FXYD6: variants seen among roughly 807,000 people sequenced by gnomAD.
The protein encoded by FXYD6 is FXYD domain containing ion transport regulator 6.
In FXYD6, 7 loss-of-function variants were observed where a neutral mutation model predicts 16.7. The ratio of observed to expected loss-of-function variants is 0.42; its 90% confidence interval spans 0.24 to 0.79. The LOEUF (loss-of-function observed/expected upper bound fraction) is 0.79, where lower values mean the gene tolerates loss of function less well. FXYD6 is among the 30% of genes least tolerant of loss of function. FXYD6 has a pLI of 0.28. For missense variants in FXYD6, 111 were observed against 116.2 expected (o/e 0.95, Z 0.21); for synonymous variants, 49 against 43.0 (o/e 1.14, Z -0.54).
chr11:117,849,888 T>C (rs1473756231), intron 1 of FXYD6, among the ~76,000 whole-genome samples: 1 of 152,072 alleles, frequency 6.6e-6, no homozygotes, highest in African/African-American at 2.4e-5. Flanking sequence ...CTAGCTCCTG[T>C]CCAGTTCAAA....
At chr11:117,863,548 G>A (rs2056952303) in intron 1 of FXYD6, among the ~76,000 whole-genome samples, 1 of 150,534 alleles carries the variant, frequency 6.6e-6, no homozygotes, top group African/African-American at 2.4e-5. Flanking sequence ...TCTAACATCA[G>A]GAACAAGGCA....
At chr11:117,876,761 G>T (rs913554699), upstream of FXYD6, 2 of 151,786 alleles carry the variant, frequency 1.3e-5, no homozygotes, top group Non-Finnish European at 2.9e-5. Context: ...GGGGCGGGGG[G>T]GGGGCTCGCT....
upstream of FXYD6, chr11:117,877,203 G>T (rs2057289908): frequency 6.6e-6 from 1 of 152,268 alleles, no homozygotes; most frequent in Non-Finnish European, 1.5e-5. Flanking sequence ...TGCACCAAAA[G>T]CATGAATGGC....
intron 1 of FXYD6, among the ~76,000 whole-genome samples, chr11:117,858,962 G>C (rs555317801): frequency 2.0e-5 from 3 of 151,930 alleles, no homozygotes; most frequent in Non-Finnish European, 4.4e-5. Flanking sequence ...TTTTAGTAGA[G>C]ACGGGGTTTC....
chr11:117,864,353 T>C (rs772495757), intron 1 of FXYD6, among the ~76,000 whole-genome samples: 4 of 152,162 alleles, frequency 2.6e-5, no homozygotes, highest in Non-Finnish European at 4.4e-5. Flanking sequence ...AGACAGTCTT[T>C]TCAACAAGTA....
chr11:117,850,707 G>A (rs552975549), intron 1 of FXYD6, among the ~76,000 whole-genome samples: 1 of 151,448 alleles, frequency 6.6e-6, no homozygotes, highest in African/African-American at 2.4e-5. Context: ...TACGTAGGCT[G>A]GTCTCGAACT....
intron 1 of FXYD6, among the ~76,000 whole-genome samples, chr11:117,855,326 C>T (rs1239020000): frequency 6.6e-6 from 1 of 152,224 alleles, no homozygotes; most frequent in East Asian, 1.9e-4. Flanking sequence ...TCAGCATGGG[C>T]CCCTCGGGGT....
intron 1 of FXYD6, among the ~76,000 whole-genome samples, chr11:117,852,505 A>G (rs568122239): frequency 2.6e-5 from 4 of 152,188 alleles, no homozygotes; most frequent in Non-Finnish European, 5.9e-5. Flanking sequence ...TCTGCTGCTT[A>G]TATCATCATT....
intron 1 of FXYD6, among the ~76,000 whole-genome samples, chr11:117,857,762 A>G (rs1051155757): frequency 2.0e-5 from 3 of 152,142 alleles, no homozygotes; most frequent in African/African-American, 7.2e-5. Context: ...CTGGGAGGAA[A>G]ATAGGGGGAG....
chr11:117,840,619 TG>T (rs2056317132), intron 5 of FXYD6, among the ~76,000 whole-genome samples: 1 of 152,106 alleles, frequency 6.6e-6, no homozygotes, highest in Non-Finnish European at 1.5e-5. Flanking sequence ...TAGGGCCACA[TG>T]GGGGCTTGGG....
chr11:117,840,274 T>C, intron 6 of FXYD6, 45 bp downstream of exon 6: 1 of 1,613,102 alleles, frequency 6.2e-7, no homozygotes, highest in South Asian at 1.1e-5. Context: ...GAGGGGTCTC[T>C]CTGTTCCCTC....
chr11:117,873,567 C>T (rs376246322), intron 1 of FXYD6, among the ~76,000 whole-genome samples: 26 of 152,248 alleles, frequency 1.7e-4, no homozygotes, highest in African/African-American at 5.8e-4. Context: ...ACAGCAGGCT[C>T]CCTGCCTCCT....
intron 1 of FXYD6, among the ~76,000 whole-genome samples, chr11:117,854,919 T>A (rs1217943742): frequency 6.6e-6 from 1 of 152,252 alleles, no homozygotes; most frequent in African/African-American, 2.4e-5. Flanking sequence ...ACGCATTTCA[T>A]GCAGTAGTAA....
intron 4 of FXYD6, among the ~76,000 whole-genome samples, 184 bp from the exon 5 acceptor site, chr11:117,841,368 C>G (rs998619779): frequency 6.6e-6 from 1 of 152,092 alleles, no homozygotes; most frequent in Non-Finnish European, 1.5e-5. Context: ...GAAATACATT[C>G]TATAGCTGGA....
chr11:117,862,166 C>G (rs983345659), intron 1 of FXYD6, among the ~76,000 whole-genome samples: 1 of 152,250 alleles, frequency 6.6e-6, no homozygotes, highest in Admixed American at 6.5e-5. Context: ...GAGGCTGGCC[C>G]AGGGGCCAAG....
intron 4 of FXYD6, chr11:117,841,476 C>T (rs779692715): frequency 1.2e-5 from 7 of 588,520 alleles, no homozygotes; most frequent in South Asian, 4.1e-5. Context: ...GCACATCCCT[C>T]GCACACTAGG....
At chr11:117,840,504 T>C in intron 5 of FXYD6, 136 bp from the exon 6 acceptor site, 2 of 1,151,438 alleles carry the variant, frequency 1.7e-6, no homozygotes. Flanking sequence ...GAGCTCACTC[T>C]GCTGTGGGAT....
intron 1 of FXYD6, among the ~76,000 whole-genome samples, chr11:117,852,375 A>G (rs779721396): frequency 2.0e-5 from 3 of 152,224 alleles, no homozygotes; most frequent in Non-Finnish European, 4.4e-5. Flanking sequence ...AACTAATACA[A>G]TCCTAACCTT....
intron 6 of FXYD6, 75 bp downstream of exon 6, chr11:117,840,244 C>G: frequency 6.2e-7 from 1 of 1,600,466 alleles, no homozygotes; most frequent in Admixed American, 1.7e-5. Context: ...CACCTGGCAA[C>G]AGTCCCTTCC....
Sources: gnomAD v4.1 joint callset for allele counts (sites outside exome capture counted in the v4.1 genomes callset) on GRCh38, gnomAD v4.1.1 for gene constraint, MANE v1.5 for transcripts, NCBI Gene and HGNC (gene_info 2026-07-23, HGNC 2026-07-21) for gene names.